NSUN6: variants seen among roughly 807,000 people sequenced by gnomAD.
NSUN6 encodes NOP2/Sun RNA methyltransferase 6.
A neutral mutation model predicts 58.0 loss-of-function variants in NSUN6; 64 were observed. The ratio of observed to expected loss-of-function variants is 1.10; its 90% CI spans 0.90 to 1.36. The LOEUF is 1.36. Among genes scored for constraint, NSUN6 ranks in the 40% most tolerant of loss-of-function variants. The pLI, the probability that NSUN6 is intolerant of heterozygous loss-of-function variation, is 0.00. For missense variants in NSUN6, 701 were observed against 550.1 expected (o/e 1.27, Z -2.74); for synonymous variants, 231 against 193.9 (o/e 1.19, Z -1.59).
intron 3 of NSUN6, among the ~76,000 whole-genome samples, chr10:18,617,962 C>A (rs2058471392): frequency 6.6e-6 from 1 of 152,126 alleles, no homozygotes; most frequent in South Asian, 2.1e-4. Flanking sequence ...TCCAACACTA[C>A]AAAAAACAAA....
chr10:18,583,252 T>C (rs936978618), intron 8 of NSUN6, among the ~76,000 whole-genome samples: 16 of 152,156 alleles, frequency 1.1e-4, no homozygotes, highest in Admixed American at 5.2e-4. Flanking sequence ...GATAACCACC[T>C]TTTACCGTAA....
At chr10:18,616,085 A>C (rs2058399093) in intron 4 of NSUN6, 99 bp downstream of exon 4, 1 of 716,462 alleles carries the variant, frequency 1.4e-6, no homozygotes. Flanking sequence ...ACCAAGAAAA[A>C]TTTGGAATAT....
Position 18,545,873 on chromosome 10 carries a change from A to AAAAAAAAAC in NSUN6, c.*51_*59dup. The AAAAAAAAAC allele has an allele frequency of 9.6e-7, 1 of 1,043,714 alleles. No homozygotes were observed. The allele number at this position is 1,043,714 out of a possible 1,614,324, so 64.7% of individuals were successfully genotyped here. A position where few individuals can be genotyped will look rare whatever the true frequency, so the allele number is the denominator to read the frequency against. ...TGGCCTGACAACACTTTGGTTAAAA[A>AAAAAAAAAC]AAAAAAAACCACAGACAGCAAATGT... On this transcript the variant is annotated 3_prime_UTR_variant, in exon 11 of 11. Transcript: ENST00000377304.
At chr10:18,636,185 C>CA (rs2059208673) in intron 3 of NSUN6, among the ~76,000 whole-genome samples, 1 of 151,920 alleles carries the variant, frequency 6.6e-6, no homozygotes, top group Admixed American at 6.6e-5. Context: ...TAAGAGGTAA[C>CA]CTTCGGCAAA....
intron 8 of NSUN6, among the ~76,000 whole-genome samples, chr10:18,570,489 ATTCCATTCCATCCTCCT>A (rs921806658): frequency 6.3e-5 from 9 of 143,620 alleles, no homozygotes; most frequent in Non-Finnish European, 1.2e-4. Context: ...TCCACTTTCC[ATTCCATTCCATCCTCCT>A]TTCCATTCCA....
chr10:18,571,685 ATCTCCATTCCAT>A (rs946026457), intron 8 of NSUN6, among the ~76,000 whole-genome samples: 5 of 133,940 alleles, frequency 3.7e-5, no homozygotes, highest in South Asian at 2.4e-4. Flanking sequence ...TCTCAATTCC[ATCTCCATTCCAT>A]TCTCCATTCC....
At chr10:18,605,906 T>C (rs980343827) in intron 6 of NSUN6, among the ~76,000 whole-genome samples, 1 of 152,034 alleles carries the variant, frequency 6.6e-6, no homozygotes, top group Non-Finnish European at 1.5e-5. Flanking sequence ...TTCTCCAAAA[T>C]GGAACAATTC....
chr10:18,556,688 G>T (rs1026896618), intron 8 of NSUN6, among the ~76,000 whole-genome samples: 1 of 151,192 alleles, frequency 6.6e-6, no homozygotes. Context: ...ATTGAAATGC[G>T]AATGGAATGG....
intron 7 of NSUN6, among the ~76,000 whole-genome samples, chr10:18,592,103 G>C (rs538223093): frequency 6.6e-6 from 1 of 152,040 alleles, no homozygotes; most frequent in Non-Finnish European, 1.5e-5. Flanking sequence ...CAAATCATGA[G>C]TGAACTCCCA....
intron 3 of NSUN6, among the ~76,000 whole-genome samples, chr10:18,618,763 G>A (rs2058501709): frequency 6.9e-6 from 1 of 145,692 alleles, no homozygotes; most frequent in African/African-American, 2.6e-5. Flanking sequence ...TCTCTCTGCT[G>A]CATTCTAGAT....
intron 6 of NSUN6, among the ~76,000 whole-genome samples, chr10:18,602,719 C>G (rs1357492504): frequency 6.6e-6 from 1 of 152,076 alleles, no homozygotes; most frequent in Non-Finnish European, 1.5e-5. Context: ...CTTTGGCAGT[C>G]CAGTCTCCTC....
chr10:18,594,884 G>A (rs573796010), intron 7 of NSUN6, among the ~76,000 whole-genome samples: 1 of 152,144 alleles, frequency 6.6e-6, no homozygotes, highest in South Asian at 2.1e-4. Flanking sequence ...CAATAAATAG[G>A]GTGACAGTAG....
chr10:18,647,033 A>T (rs1199537941), intron 2 of NSUN6, among the ~76,000 whole-genome samples: 1 of 152,228 alleles, frequency 6.6e-6, no homozygotes, highest in African/African-American at 2.4e-5. Context: ...TTAATTTTTA[A>T]AAAATCTTAT....
chr10:18,620,784 C>T (rs1268327422), intron 3 of NSUN6, among the ~76,000 whole-genome samples: 1 of 152,188 alleles, frequency 6.6e-6, no homozygotes, highest in Non-Finnish European at 1.5e-5. Flanking sequence ...CTGACTTGTA[C>T]CAAAGTCTCC....
rs757297367 is a variant in NSUN6, at chr10:18,548,216, C to G, written c.1093G>C (p.Glu365Gln). The G allele has an allele frequency of 1.2e-6, 2 of 1,613,152 alleles. No homozygotes were observed. The highest frequency in any genetic ancestry group is 2.2e-5 in the South Asian group (2 of 90,958). ...FTAAVQLLKP[E>Q]GVLVYSTCTI... ...CACGTGCTATAAACCAGCACACCCT[C>G]TGGCTTCAGCAGCTGAACCGCCTAA... is the stretch of plus-strand genomic sequence containing the variant. The change falls in exon 10 of 11, where the codon GAG becomes CAG. Residue 365 changes from glutamate (E) to glutamine (Q), a missense_variant. Physicochemically the swap from Glu to Gln is conservative, Grantham distance 29. Transcript: ENST00000377304.
At chr10:18,560,805 G>A (rs1314731288) in intron 8 of NSUN6, among the ~76,000 whole-genome samples, 8 of 151,090 alleles carry the variant, frequency 5.3e-5, no homozygotes, top group South Asian at 2.1e-4. Flanking sequence ...ATGGAGAATG[G>A]AGAATGATAT....
chr10:18,584,255 C>T (rs1012340560), intron 8 of NSUN6, among the ~76,000 whole-genome samples: 1 of 152,196 alleles, frequency 6.6e-6, no homozygotes, highest in Non-Finnish European at 1.5e-5. Context: ...TTAGATTAGG[C>T]ACCAGCTAGC....
chr10:18,650,650 T>C (rs2059676508), intron 1 of NSUN6, among the ~76,000 whole-genome samples: 2 of 152,212 alleles, frequency 1.3e-5, no homozygotes, highest in Non-Finnish European at 1.5e-5. Flanking sequence ...CACAATTCCT[T>C]GAGCAGTTTT....
chr10:18,603,881 C>T lies in NSUN6; in HGVS notation c.657+5964G>A, dbSNP rs1243823201. Among the ~76,000 whole-genome samples, 9 of 152,152 alleles carry T rather than the reference C, an allele frequency of 5.9e-5. No homozygotes were observed. In the East Asian group the frequency reaches 1.5e-3, roughly 26 times the overall value. Reference sequence around the variant, plus strand: ...AAGCAACAGCTGAGCACTAACTACACACAACTTAAAAGCATTAGACTGCCG... The same window carrying T: ...AAGCAACAGCTGAGCACTAACTACATACAACTTAAAAGCATTAGACTGCCG... On this transcript the variant is annotated intron_variant, in intron 6 of 10. Coordinates refer to ENST00000377304, the MANE Select transcript of NSUN6 (RefSeq NM_182543.5).
Sources: gnomAD v4.1 joint callset for allele counts (sites outside exome capture counted in the v4.1 genomes callset) on GRCh38, gnomAD v4.1.1 for gene constraint, MANE v1.5 for transcripts, NCBI Gene and HGNC (gene_info 2026-07-23, HGNC 2026-07-21) for gene names.